The following BARHL1 variants were observed in gnomAD, a reference collection of about 807,000 sequenced individuals.
The protein encoded by BARHL1 is BarH like homeobox 1.
A neutral mutation model predicts 20.1 loss-of-function variants in BARHL1; 2 were observed. That is an observed-to-expected ratio of 0.10 (90% CI 0.04 to 0.31). The LOEUF (loss-of-function observed/expected upper bound fraction) is 0.31, where lower values mean the gene tolerates loss of function less well. Among genes scored for constraint, BARHL1 ranks in the 10% least tolerant of loss-of-function variants. The probability of loss-of-function intolerance (pLI) is 1.00; values close to 1 mark genes in which losing one functional copy is unlikely to be tolerated. For synonymous variants in BARHL1, 213 were observed against 209.9 expected, an observed-to-expected ratio of 1.01 and a Z score of -0.13; for missense variants, 397 against 454.0, an observed-to-expected ratio of 0.87 and a Z score of 1.14.
rs1224046199 is a variant in BARHL1, at chr9:132,587,779, T to TC, written c.689+233dup. Among the ~76,000 whole-genome samples, 1 of 151,996 alleles carries TC rather than the reference T, an allele frequency of 6.6e-6. No homozygotes were observed. The highest frequency in any genetic ancestry group is 1.5e-5 in the Non-Finnish European group (1 of 68,006). Reference sequence around the variant, plus strand: ...TTGGTGTCCAGCGTCCAGTCAGCCCTCCCCCGGATGGGTGGACAGACACAT... The same window carrying TC: ...TTGGTGTCCAGCGTCCAGTCAGCCCTCCCCCCGGATGGGTGGACAGACACAT... On this transcript the variant is annotated intron_variant, in intron 2 of 2. Coordinates refer to ENST00000263610, the MANE Select transcript of BARHL1 (RefSeq NM_020064.4). This position sits in a 1 kb window ranked among gnomAD's most constrained non-coding sequence, Gnocchi z 5.5.
At position 132,583,089 on chromosome 9, in the gene BARHL1, A is replaced by G. The variant is rs746368479; in HGVS notation, c.292A>G (p.Ile98Val). ...QSRTVTSSFL[I>V]RDILADCKPL... ...GCGCACCGTCACCTCCTCCTTTCTGATCAGGGACATCCTTGCCGACTGCAA... is the reference window on the plus strand; with the variant it reads ...GCGCACCGTCACCTCCTCCTTTCTGGTCAGGGACATCCTTGCCGACTGCAA... The change falls in exon 1 of 3, where the codon ATC (isoleucine) becomes GTC (valine). Residue 98 changes from isoleucine to valine, a missense_variant. Physicochemically the swap from Ile to Val is conservative, Grantham distance 29. Transcript: ENST00000263610. 4 of 1,613,758 alleles carry G rather than the reference A, an allele frequency of 2.5e-6. No individual in the cohort carries two copies. The South Asian group carries it at 4.4e-5, about 18-fold the overall frequency.
chr9:132,583,546 C>T (rs191946292), intron 1 of BARHL1, among the ~76,000 whole-genome samples: 1 of 152,214 alleles, frequency 6.6e-6, no homozygotes, highest in Non-Finnish European at 1.5e-5. Context: ...TCGACTGGGA[C>T]CCCTGCCCTT....
Position 132,583,070 on chromosome 9 carries a change from C to A in BARHL1, c.273C>A (p.Thr91=), listed in dbSNP as rs1830092884. The A allele has an allele frequency of 1.2e-6, 2 of 1,613,782 alleles. No individual in the cohort carries two copies. Among genetic ancestry groups the A allele is most frequent in the South Asian group, 1.1e-5 (1 of 91,092 alleles). ...TCTCAGCCCCGGCCCAGTCGCGCACCGTCACCTCCTCCTTTCTGATCAGGG... is the reference window on the plus strand; with the variant it reads ...TCTCAGCCCCGGCCCAGTCGCGCACAGTCACCTCCTCCTTTCTGATCAGGG... ...GQLSAPAQSR[T]VTSSFLIRDI... is the part of the protein sequence containing the mutation. Residue 91 remains threonine, a synonymous_variant, in exon 1 of 3, where the codon ACC becomes ACA. Coordinates refer to ENST00000263610, the MANE Select transcript of BARHL1 (RefSeq NM_020064.4).
intron 1 of BARHL1, among the ~76,000 whole-genome samples, chr9:132,584,006 A>G (rs548523329): frequency 6.6e-6 from 1 of 152,196 alleles, no homozygotes; most frequent in South Asian, 2.1e-4. Context: ...CTCCCGCTAC[A>G]CTGGGGTTGT....
Position 132,587,548 on chromosome 9 carries a change from G to A in BARHL1, c.686G>A (p.Arg229His). The stretch of plus-strand genomic sequence containing the variant: ...CAGGTCAAGACCTGGTACCAGAACC[G>A]CAGGTGAGGCCTGGCTGCGGGGGTA... ...DTQVKTWYQN[R>H]RTKWKRQTAV... The change falls in exon 2 of 3, where the codon CGC becomes CAC. Residue 229 changes from arginine (R) to histidine (H), a missense_variant. Around this residue, in one of 3 missense-constraint regions of BARHL1, gnomAD observed 4 missense variants for 19.5 expected, o/e 0.21. Coordinates refer to ENST00000263610, the MANE Select transcript of BARHL1 (RefSeq NM_020064.4). This position sits in a 1 kb window ranked among gnomAD's most constrained non-coding sequence, Gnocchi z 5.5. 1 of 1,608,792 alleles carries A rather than the reference G, an allele frequency of 6.2e-7. No homozygotes were observed. The highest frequency in any genetic ancestry group is 8.5e-7 in the Non-Finnish European group (1 of 1,177,482).
chr9:132,583,360 T>TGGGGGCTCCCCC, intron 1 of BARHL1, 97 bp downstream of exon 1: 2 of 1,127,882 alleles, frequency 1.8e-6, no homozygotes. Flanking sequence ...CTCGCTCACC[T>TGGGGGCTCCCCC]GGGGGCTCCC....
Position 132,587,308 on chromosome 9 carries a change from G to A in BARHL1, c.467-21G>A, listed in dbSNP as rs1462129984. 1.1e-5 allele frequency: 18 copies of A among 1,579,978 alleles called. No homozygotes were observed. The highest frequency in any genetic ancestry group is 1.5e-5 in the Non-Finnish European group (18 of 1,165,464). On this transcript the variant is annotated intron_variant, in intron 1 of 2. Coordinates refer to ENST00000263610, the MANE Select transcript of BARHL1 (RefSeq NM_020064.4). This position sits in a 1 kb window ranked among gnomAD's most constrained non-coding sequence, Gnocchi z 5.5. ...GGCGGCGGCTGCGAGGCCGGGCCCT[G>A]ACATGCCGCTGTGTCCGCAGTGAAG...
At position 132,590,015 on chromosome 9, in the gene BARHL1, A is replaced by G. The variant is rs1373178066; in HGVS notation, c.*493A>G. 2 of 154,860 alleles carry G rather than the reference A, an allele frequency of 1.3e-5. No homozygotes were observed. Among genetic ancestry groups the G allele is most frequent in the Non-Finnish European group, 2.9e-5 (2 of 69,772 alleles). The allele number at this position is 154,860 out of a possible 1,614,324, so 9.6% of individuals were successfully genotyped here. On this transcript the variant is annotated 3_prime_UTR_variant, in exon 3 of 3. Transcript: ENST00000263610. ...CTGGGCCAGCGGCTGAGCTGTACAT[A>G]CCGTGTGCAAAGTGTATATGAAGTT...
At chr9:132,585,184 G>T (rs144312055) in intron 1 of BARHL1, among the ~76,000 whole-genome samples, 5 of 152,214 alleles carry the variant, frequency 3.3e-5, no homozygotes, top group Admixed American at 6.5e-5. Context: ...TGGAGCGAAG[G>T]GGGTAGAAGG....
intron 1 of BARHL1, among the ~76,000 whole-genome samples, chr9:132,584,570 C>G (rs1426219963): frequency 6.7e-6 from 1 of 149,412 alleles, no homozygotes; most frequent in Non-Finnish European, 1.5e-5. Context: ...TTAACACTCT[C>G]CTCCCAACCA....
chr9:132,583,177 G>T lies in BARHL1; in HGVS notation c.380G>T (p.Gly127Val), dbSNP rs942785515. ...SGQPAAPEPG[G>V]RLAAKAAEDF... ...CAGCCGGCAGCCCCTGAGCCTGGGG[G>T]CCGCCTTGCGGCCAAGGCCGCGGAG... The change falls in exon 1 of 3, where the codon GGC becomes GTC. Residue 127 changes from glycine (G) to valine (V), a missense_variant. Transcript: ENST00000263610. 6.2e-7 allele frequency: 1 copy of T among 1,613,402 alleles called. No homozygotes were observed. Among genetic ancestry groups the T allele is most frequent in the Non-Finnish European group, 8.5e-7 (1 of 1,179,944 alleles).
intron 1 of BARHL1, among the ~76,000 whole-genome samples, chr9:132,584,816 A>G (rs2119132069): frequency 6.6e-6 from 1 of 152,310 alleles, no homozygotes; most frequent in East Asian, 1.9e-4. Context: ...GGGCCTGCTT[A>G]GAGAGGCAAA....
Position 132,589,613 on chromosome 9 carries a change from C to T in BARHL1, c.*91C>T, listed in dbSNP as rs926984432. 1.1e-5 allele frequency: 13 copies of T among 1,231,308 alleles called. No individual in the cohort carries two copies. Among genetic ancestry groups the T allele is most frequent in the African/African-American group, 3.2e-5 (2 of 63,382 alleles). The allele number at this position is 1,231,308 out of a possible 1,614,324, so 76.3% of individuals were successfully genotyped here. ...AGGGCGCAGGTTCGACGCCCTTTCC[C>T]GGGAGGGGGCCCTGCCCGGCCCTCC... is the stretch of plus-strand genomic sequence containing the variant. On this transcript the variant is annotated 3_prime_UTR_variant, in exon 3 of 3. Transcript: ENST00000263610.
Position 132,582,648 on chromosome 9 carries a change from G to A in BARHL1, c.-150G>A. 1.5e-6 allele frequency: 1 copy of A among 685,010 alleles called. No individual in the cohort carries two copies. Among genetic ancestry groups the A allele is most frequent in the Non-Finnish European group, 2.4e-6 (1 of 411,048 alleles). 42.4% of individuals were successfully genotyped at this position (685,010 alleles called of 1,614,324 possible). A position where few individuals can be genotyped will look rare whatever the true frequency, so the allele number is the denominator to read the frequency against. On this transcript the variant is annotated 5_prime_UTR_variant, in exon 1 of 3. Transcript: ENST00000263610. ...CAGAGGAGGTTGGCCCAGAGCTCCC[G>A]GGCTCCCCCAAGGCTGAACTCCGTC... is the stretch of plus-strand genomic sequence containing the variant.
Position 132,589,360 on chromosome 9 carries a change from C to G in BARHL1, c.822C>G (p.Gly274=). 1 of 1,613,222 alleles carries G rather than the reference C, an allele frequency of 6.2e-7. No individual in the cohort carries two copies. The highest frequency in any genetic ancestry group is 8.5e-7 in the Non-Finnish European group (1 of 1,179,918). The part of the protein sequence containing the change: ...PQSLVSNLDP[G]AALYLYRGPS... ...GTCTGGTTTCCAACCTGGACCCCGG[C>G]GCGGCGCTCTACCTGTACCGCGGCC... The change falls in exon 3 of 3, where the codon GGC becomes GGG. Residue 274 remains glycine (G), a synonymous_variant. Coordinates refer to ENST00000263610, the MANE Select transcript of BARHL1 (RefSeq NM_020064.4).
chr9:132,588,072 G>A (rs1307947167), intron 2 of BARHL1, among the ~76,000 whole-genome samples: 5 of 152,306 alleles, frequency 3.3e-5, no homozygotes, highest in Admixed American at 6.5e-5. Flanking sequence ...CCCAAAACCC[G>A]AGGGGGGAAC....
Position 132,587,291 on chromosome 9 carries a change from C to A in BARHL1, c.467-38C>A. The A allele has an allele frequency of 6.5e-7, 1 of 1,542,354 alleles. No homozygotes were observed. Among genetic ancestry groups the A allele is most frequent in the Non-Finnish European group, 8.8e-7 (1 of 1,141,692 alleles). The stretch of plus-strand genomic sequence containing the variant: ...AGGAGCGGGAGGGCACCGGCGGCGG[C>A]TGCGAGGCCGGGCCCTGACATGCCG... On this transcript the variant is annotated intron_variant, in intron 1 of 2. Coordinates refer to ENST00000263610, the MANE Select transcript of BARHL1 (RefSeq NM_020064.4). This position sits in a 1 kb window ranked among gnomAD's most constrained non-coding sequence, Gnocchi z 5.5.
chr9:132,586,310 T>C (rs1693838323), intron 1 of BARHL1, among the ~76,000 whole-genome samples: 1 of 152,224 alleles, frequency 6.6e-6, no homozygotes, highest in Admixed American at 6.5e-5. Flanking sequence ...AGGGAGTAGG[T>C]TGGGGGAAAG....
intron 2 of BARHL1, among the ~76,000 whole-genome samples, chr9:132,588,452 T>C (rs1423614218): frequency 6.6e-6 from 1 of 152,160 alleles, no homozygotes; most frequent in African/African-American, 2.4e-5. Context: ...ATGATGATGA[T>C]GAATAATTCA....
Sources: allele counts gnomAD v4.1 joint callset (sites outside exome capture counted in the v4.1 genomes callset), GRCh38; gene constraint gnomAD v4.1.1; regional missense constraint gnomAD v4.1.1; non-coding constraint Gnocchi (gnomAD v3.1); transcripts MANE v1.5; gene names NCBI Gene and HGNC (gene_info 2026-07-23, HGNC 2026-07-21).